Variants in EPSTI1 observed in about 807,000 individuals in gnomAD.
EPSTI1 encodes the protein epithelial stromal interaction 1, also known as epithelial-stromal interaction protein 1.
EPSTI1 carries 66 observed loss-of-function variants against 49.9 expected under a neutral mutation model. The observed-to-expected ratio is 1.32, with a 90% CI of 1.08 to 1.62. EPSTI1 has a LOEUF of 1.62. Ranked by LOEUF, EPSTI1 falls within the 40% of genes most tolerant of loss-of-function variation. EPSTI1 has a pLI of 0.00. For missense variants in EPSTI1, 394 were observed against 365.5 expected (o/e 1.08, Z -0.64); for synonymous variants, 137 against 130.7 (o/e 1.05, Z -0.33).
At chr13:42,931,859 T>TA (rs2038385772) in intron 6 of EPSTI1, among the ~76,000 whole-genome samples, 1 of 152,214 alleles carries the variant, frequency 6.6e-6, no homozygotes, top group South Asian at 2.1e-4. Flanking sequence ...CCAGTGAGCA[T>TA]CCTGGTATAT....
chr13:42,890,699 T>C (rs1056568032), intron 10 of EPSTI1, among the ~76,000 whole-genome samples: 1 of 152,206 alleles, frequency 6.6e-6, no homozygotes, highest in African/African-American at 2.4e-5. Context: ...TTTTTACATA[T>C]TGATCTTATA....
intron 7 of EPSTI1, among the ~76,000 whole-genome samples, chr13:42,920,057 C>T (rs528806216): frequency 6.6e-6 from 1 of 152,276 alleles, no homozygotes; most frequent in South Asian, 2.1e-4. Context: ...GCTTCTGTGT[C>T]CCGATTTCCC....
chr13:42,980,421 C>T (rs1171117312), intron 1 of EPSTI1, among the ~76,000 whole-genome samples: 2 of 152,198 alleles, frequency 1.3e-5, no homozygotes, highest in African/African-American at 2.4e-5. Flanking sequence ...CACAGTTCCA[C>T]ATGGCTGGGG....
intron 6 of EPSTI1, among the ~76,000 whole-genome samples, chr13:42,953,135 A>T (rs2039151673): frequency 6.6e-6 from 1 of 152,078 alleles, no homozygotes; most frequent in African/African-American, 2.4e-5. Context: ...TTCAATAAGG[A>T]TCTCTGTAAG....
intron 7 of EPSTI1, among the ~76,000 whole-genome samples, chr13:42,925,391 C>T (rs73468101): frequency 2.0e-5 from 3 of 152,146 alleles, no homozygotes; most frequent in Admixed American, 6.5e-5. Context: ...ACCAGGAGCA[C>T]CATGAGCACG....
intron 1 of EPSTI1, among the ~76,000 whole-genome samples, chr13:42,971,677 C>G (rs1288899630): frequency 6.6e-6 from 1 of 152,202 alleles, no homozygotes; most frequent in East Asian, 1.9e-4. Flanking sequence ...TACACAATTT[C>G]AAAGGGCAAA....
chr13:42,931,247 G>A (rs866281156), intron 6 of EPSTI1, among the ~76,000 whole-genome samples: 40 of 130,478 alleles, frequency 3.1e-4, no homozygotes, highest in African/African-American at 1.2e-3. Flanking sequence ...CGCCCAGGCC[G>A]GACTGCGGAC....
rs180743034 is a variant in EPSTI1, at chr13:42,981,611, T to C, written c.188+10367A>G. On this transcript the variant is annotated intron_variant, in intron 1 of 10. Coordinates refer to ENST00000313624, the MANE Select transcript of EPSTI1 (RefSeq NM_033255.5). ...TGGAAATTCCTTCTAAACAGGACCATAATTTCTACCGTCCTGCACAAACAG... is the reference window on the plus strand; with the variant it reads ...TGGAAATTCCTTCTAAACAGGACCACAATTTCTACCGTCCTGCACAAACAG... Among the ~76,000 whole-genome samples the C allele has an allele frequency of 3.8e-4, 58 of 152,324 alleles. No individual in the cohort carries two copies. The South Asian group carries it at 8.1e-3, about 21-fold the overall frequency.
rs371202315 is a variant in EPSTI1 at position 42,910,438 on chromosome 13, G to A, written c.741+7103C>T. 1.6e-4 allele frequency among the ~76,000 whole-genome samples: 25 copies of A among 151,836 alleles called. 1 individual carries two copies. The East Asian group carries it at 3.9e-3, about 24-fold the overall frequency. On this transcript the variant is annotated intron_variant, in intron 8 of 10. Coordinates refer to ENST00000313624, the MANE Select transcript of EPSTI1 (RefSeq NM_033255.5). Reference sequence around the variant, plus strand: ...CACCACACCTGGCTAAGTTTTAGTAGAGATGGGGTTTCACCATGTTGGCCA... The same window carrying A: ...CACCACACCTGGCTAAGTTTTAGTAAAGATGGGGTTTCACCATGTTGGCCA...
Position 42,954,022 on chromosome 13 carries a change from C to A in EPSTI1, c.490-1G>T, listed in dbSNP as rs141261416. The A allele has an allele frequency of 2.3e-4, 368 of 1,609,878 alleles. No individual in the cohort carries two copies. Among genetic ancestry groups the A allele is most frequent in the Admixed American group, 8.0e-4 (48 of 59,754 alleles). On this transcript the variant is annotated splice_acceptor_variant, in intron 5 of 10. Coordinates refer to ENST00000313624, the MANE Select transcript of EPSTI1 (RefSeq NM_033255.5). LOFTEE classifies it high-confidence loss of function. ...TTTTTTTCTCCTCCAGTTTATTGCT[C>A]TGAAATTGCAAATATCAAAACATAA...
intron 5 of EPSTI1, among the ~76,000 whole-genome samples, chr13:42,955,320 G>A (rs2039225401): frequency 6.6e-6 from 1 of 152,154 alleles, no homozygotes; most frequent in Admixed American, 6.5e-5. Flanking sequence ...CAGCAAGCGA[G>A]CAGTAAGTGT....
At chr13:42,918,220 G>A (rs1245974906) in intron 7 of EPSTI1, among the ~76,000 whole-genome samples, 1 of 152,206 alleles carries the variant, frequency 6.6e-6, no homozygotes, top group Non-Finnish European at 1.5e-5. Context: ...TGGCAAGCCA[G>A]CACATGAGGG....
chr13:42,926,990 G>GACACAC (rs10529424), intron 6 of EPSTI1, among the ~76,000 whole-genome samples: 6,393 of 144,624 alleles, frequency 0.044, 154 homozygotes, highest in South Asian at 0.054. Context: ...TCTGTTAACA[G>GACACAC]ACACACACAC....
chr13:42,992,059 G>C lies in EPSTI1; in HGVS notation c.107C>G (p.Pro36Arg). 6.2e-7 allele frequency: 1 copy of C among 1,613,394 alleles called. No individual in the cohort carries two copies. Residue 36 changes from proline to arginine, a missense_variant, in exon 1 of 11, where the codon CCC becomes CGC. Pro to Arg is a moderately radical substitution (Grantham distance 103). Coordinates refer to ENST00000313624, the MANE Select transcript of EPSTI1 (RefSeq NM_033255.5). Reference sequence around the variant, plus strand: ...CAAACCCTCTCTCTGGTCTTCCACGGGGCTCAGCTCCCCTTGCCGCCCAGA... The same window carrying C: ...CAAACCCTCTCTCTGGTCTTCCACGCGGCTCAGCTCCCCTTGCCGCCCAGA... ...DPSGRQGELS[P>R]VEDQREGLEA... is the part of the protein sequence containing the mutation.
intron 8 of EPSTI1, among the ~76,000 whole-genome samples, chr13:42,901,782 ATACTTT>A (rs2037360522): frequency 6.6e-6 from 1 of 152,008 alleles, no homozygotes; most frequent in Admixed American, 6.6e-5. Flanking sequence ...TTTTATTATT[ATACTTT>A]AAGTTTTAGG....
chr13:42,896,794 T>C lies in EPSTI1; in HGVS notation c.816-1686A>G, dbSNP rs538520446. On this transcript the variant is annotated intron_variant, in intron 9 of 10. Transcript: ENST00000313624. ...TCCTCCCCCACTGAGTATCATTCTC[T>C]TCTTCACTCACTATAATCCCATCAC... is the stretch of plus-strand genomic sequence containing the variant. 2.9e-4 allele frequency among the ~76,000 whole-genome samples: 44 copies of C among 152,336 alleles called. 1 individual carries two copies. In the South Asian group the frequency reaches 8.9e-3, roughly 31 times the overall value.
rs1221843053 is a variant in EPSTI1 at position 42,991,425 on chromosome 13, A to G, written c.188+553T>C. On this transcript the variant is annotated intron_variant, in intron 1 of 10. Coordinates refer to ENST00000313624, the MANE Select transcript of EPSTI1 (RefSeq NM_033255.5). ...CTCAGCCTCCCAGGTAGCTGGGACT[A>G]CAGGCACGTGCCATCACACCCAGCT... Among the ~76,000 whole-genome samples, 3 of 152,176 alleles carry G rather than the reference A, an allele frequency of 2.0e-5. No individual in the cohort carries two copies. The East Asian group carries it at 5.8e-4, about 29-fold the overall frequency.
At chr13:42,961,859 A>G (rs1412440675) in intron 5 of EPSTI1, among the ~76,000 whole-genome samples, 1 of 152,112 alleles carries the variant, frequency 6.6e-6, no homozygotes, top group Non-Finnish European at 1.5e-5. Context: ...GGCAGCAGCC[A>G]TTTGCCTGGG....
At chr13:42,924,740 G>A (rs547212218) in intron 7 of EPSTI1, among the ~76,000 whole-genome samples, 7 of 152,206 alleles carry the variant, frequency 4.6e-5, no homozygotes, top group Non-Finnish European at 1.0e-4. Context: ...TAAGTTGTAG[G>A]GCCCACACTG....
Sources: gnomAD v4.1 joint callset for allele counts (sites outside exome capture counted in the v4.1 genomes callset) on GRCh38, gnomAD v4.1.1 for gene constraint, MANE v1.5 for transcripts, NCBI Gene and HGNC (gene_info 2026-07-23, HGNC 2026-07-21) for gene names.